MGAM: variants seen among roughly 807,000 people sequenced by gnomAD.
MGAM encodes maltase-glucoamylase.
A neutral mutation model predicts 358.8 loss-of-function variants in MGAM; 253 were observed. The observed-to-expected ratio is 0.71, with a 90% CI of 0.64 to 0.78. The LOEUF (loss-of-function observed/expected upper bound fraction) is 0.78. MGAM is among the 30% of genes least tolerant of loss of function. The probability of loss-of-function intolerance (pLI) is 0.00; values close to 1 mark genes in which losing one functional copy is unlikely to be tolerated. For synonymous variants in MGAM, 1,105 were observed against 1,227.1 expected, an observed-to-expected ratio of 0.90 and a Z score of 2.08; for missense variants, 3,080 against 3,432.6, an observed-to-expected ratio of 0.90 and a Z score of 2.57.
At chr7:142,088,964 C>CTATG (rs57009731) in intron 57 of MGAM, among the ~76,000 whole-genome samples, 1,508 of 116,772 alleles carry the variant, frequency 0.013, 108 homozygotes, top group African/African-American at 0.02. Flanking sequence ...TCATCTATCT[C>CTATG]TATGTATGTA....
At position 142,082,209 on chromosome 7, in the gene MGAM, G is replaced by A. The variant is rs756637580; in HGVS notation, c.6170G>A (p.Gly2057Glu). 2 of 1,553,518 alleles carry A rather than the reference G, an allele frequency of 1.3e-6. No individual in the cohort carries two copies. The highest frequency in any genetic ancestry group is 1.8e-6 in the Non-Finnish European group (2 of 1,131,832). The change falls in exon 51 of 71, where the codon GGG (glycine) becomes GAG (glutamate). Residue 2057 changes from glycine (G) to glutamate (E), a missense_variant and splice_region_variant. By Grantham distance (98) the Gly-to-Glu change is moderately conservative (BLOSUM62 -2). Transcript: ENST00000475668. Reference protein sequence around the residue: ...WGMFSRDQPPGYKKNSYGVHP... With the variant: ...WGMFSRDQPPEYKKNSYGVHP... ...ATGTTCTCCCGAGACCAGCCCCCAG[G>A]GGTAAGGACAGAGCATTTGAGATCT...
intron 1 of MGAM, among the ~76,000 whole-genome samples, chr7:142,003,532 A>G (rs1209952278): frequency 2.6e-5 from 4 of 151,806 alleles, no homozygotes; most frequent in Non-Finnish European, 4.4e-5. Context: ...ATCTCTCACC[A>G]TGTACAAAAA....
At chr7:142,048,221 C>T (rs1383648635) in intron 22 of MGAM, among the ~76,000 whole-genome samples, 4 of 148,694 alleles carry the variant, frequency 2.7e-5, no homozygotes, top group Middle Eastern at 3.7e-3. Flanking sequence ...GGCGCGATCT[C>T]GGCTCACTGC....
chr7:142,058,774 G>A (rs1322131800), intron 31 of MGAM, among the ~76,000 whole-genome samples: 1 of 152,206 alleles, frequency 6.6e-6, no homozygotes, highest in Non-Finnish European at 1.5e-5. Context: ...ATAACAGATG[G>A]ATTAAACAGA....
chr7:142,018,899 T>C (rs879981486), intron 3 of MGAM, among the ~76,000 whole-genome samples: 1 of 152,180 alleles, frequency 6.6e-6, no homozygotes, highest in Non-Finnish European at 1.5e-5. Context: ...ACTGGTGATA[T>C]AGCTATATTA....
intron 21 of MGAM, 110 bp from the exon 22 acceptor site, chr7:142,047,675 C>CA: frequency 1.0e-6 from 1 of 970,086 alleles, no homozygotes; most frequent in Non-Finnish European, 1.6e-6. Context: ...AAAGCAGAAC[C>CA]ATCTGCTGCT....
At chr7:141,988,323 A>G (rs1554446619) in intron 2 of MGAM, among the ~76,000 whole-genome samples, 1 of 151,228 alleles carries the variant, frequency 6.6e-6, no homozygotes, top group African/African-American at 2.5e-5. Context: ...TTTAAAAGGT[A>G]CTCTGAAAAC....
intron 57 of MGAM, among the ~76,000 whole-genome samples, chr7:142,088,829 CTA>C (rs1815072112): frequency 1.0e-5 from 1 of 98,534 alleles, no homozygotes; most frequent in African/African-American, 3.3e-5. Flanking sequence ...TACCATCTAT[CTA>C]TCTATCTATC....
chr7:142,007,501 T>G (rs1420476243), intron 2 of MGAM, among the ~76,000 whole-genome samples: 1 of 152,102 alleles, frequency 6.6e-6, no homozygotes, highest in Non-Finnish European at 1.5e-5. Flanking sequence ...TGCTCAACTC[T>G]TAAAATTATG....
At chr7:142,050,920 G>A (rs1810891461) in intron 24 of MGAM, 56 bp downstream of exon 24, 2 of 1,610,138 alleles carry the variant, frequency 1.2e-6, no homozygotes, top group Non-Finnish European at 1.7e-6. Context: ...GCATCGTGAT[G>A]TTCCTTCTTG....
chr7:142,030,818 CTGTGTGTGTG>C (rs66639847), intron 12 of MGAM, 61 bp downstream of exon 12: 24,921 of 784,666 alleles, frequency 0.032, 788 homozygotes, highest in African/African-American at 0.13. Context: ...TTGAATGTGT[CTGTGTGTGTG>C]TGTGTGTGTG....
At chr7:142,105,583 C>T (rs921770333) in intron 70 of MGAM, among the ~76,000 whole-genome samples, 9 of 152,200 alleles carry the variant, frequency 5.9e-5, no homozygotes, top group Admixed American at 1.3e-4. Context: ...CCACCGCACC[C>T]GGCCCATATT....
chr7:142,053,292 C>T (rs1029060154), intron 26 of MGAM, among the ~76,000 whole-genome samples: 3 of 151,984 alleles, frequency 2.0e-5, no homozygotes, highest in Non-Finnish European at 4.4e-5. Flanking sequence ...CAGTGGAATG[C>T]AGGTGGAGAA....
rs1418044119 is a variant in MGAM, at chr7:142,080,847, C to T, written c.5904C>T (p.Ser1968=). The part of the protein sequence containing the change: ...YEVPVPLNIP[S]VPSSTPEGQL... ...TTCCAGTCCCTCTGAACATACCCAG[C>T]GTGCCATCCAGCACCCCTGAGGGTC... Residue 1968 remains serine, a synonymous_variant, in exon 50 of 71, where the codon AGC becomes AGT. Coordinates refer to ENST00000475668, the MANE Select transcript of MGAM (RefSeq NM_001365693.1). The T allele has an allele frequency of 5.4e-5, 84 of 1,556,076 alleles. 10 individuals are homozygous for T. The highest frequency in any genetic ancestry group is 7.1e-5 in the Non-Finnish European group (80 of 1,132,234).
At chr7:142,041,944 A>C (rs1427789756) in intron 21 of MGAM, among the ~76,000 whole-genome samples, 1 of 16,446 alleles carries the variant, frequency 6.1e-5, no homozygotes, top group Admixed American at 1.5e-3. Flanking sequence ...TATATTATAT[A>C]TATACATATA....
chr7:142,017,489 A>C (rs1806059214), intron 3 of MGAM, among the ~76,000 whole-genome samples: 1 of 152,212 alleles, frequency 6.6e-6, no homozygotes, highest in African/African-American at 2.4e-5. Flanking sequence ...TGGCCAACAA[A>C]GACTGTTTGC....
In MGAM at chr7:142,065,589, C is replaced by T. The variant is rs1812653915; in HGVS notation, c.4620C>T (p.Gly1540=). The T allele has an allele frequency of 6.2e-7, 1 of 1,613,830 alleles. No individual in the cohort carries two copies. The highest frequency in any genetic ancestry group is 8.5e-7 in the Non-Finnish European group (1 of 1,179,872). ...AWDQLKKSII[G]MMEFSLFGIS... Reference sequence around the variant, plus strand: ...ACACAGCTGTGCTTCTCGTTGCAGGCATGATGGAGTTCAGCCTCTTTGGCA... The same window carrying T: ...ACACAGCTGTGCTTCTCGTTGCAGGTATGATGGAGTTCAGCCTCTTTGGCA... Residue 1540 remains glycine, a splice_region_variant and synonymous_variant, in exon 39 of 71, where the codon GGC becomes GGT. Coordinates refer to ENST00000475668, the MANE Select transcript of MGAM (RefSeq NM_001365693.1).
Position 142,078,856 on chromosome 7 carries a change from T to C in MGAM, c.5695T>C (p.Tyr1899His), listed in dbSNP as rs1376622862. 2 of 1,555,914 alleles carry C rather than the reference T, an allele frequency of 1.3e-6. No individual in the cohort carries two copies. Among genetic ancestry groups the C allele is most frequent in the Middle Eastern group, 1.7e-4 (1 of 5,954 alleles). Residue 1899 changes from tyrosine to histidine, a missense_variant, in exon 49 of 71, where the codon TAC (tyrosine) becomes CAC (histidine). This residue lies in a region of MGAM where 932 missense variants were observed against 1,198.2 expected (regional missense o/e 0.78). Transcript: ENST00000475668. Reference sequence around the variant, plus strand: ...TTTTTGCTATTTTGTCAACGACCTATACTCTGTCAGTGATGTTCAGTATAA... The same window carrying C: ...TTTTTGCTATTTTGTCAACGACCTACACTCTGTCAGTGATGTTCAGTATAA... ...VPFCYFVNDL[Y>H]SVSDVQYNSH...
In MGAM at chr7:142,067,986, A is replaced by ATTTTTTTTT. The variant is rs71913806; in HGVS notation, c.5004+572_5004+580dup. 1.7e-3 allele frequency among the ~76,000 whole-genome samples: 15 copies of ATTTTTTTTT among 8,694 alleles called. 1 individual carries two copies. Among genetic ancestry groups the ATTTTTTTTT allele is most frequent in the African/African-American group, 2.5e-3 (14 of 5,622 alleles). The allele number at this position is 8,694 out of a possible 152,430, so 5.7% of individuals were successfully genotyped here. On this transcript the variant is annotated intron_variant, in intron 42 of 70. Coordinates refer to ENST00000475668, the MANE Select transcript of MGAM (RefSeq NM_001365693.1). ...TATAAATATATATATATATATATAT[A>ATTTTTTTTT]TTTTTTTTTTTTTTTTTTTGAGACA...
Sources: allele counts gnomAD v4.1 joint callset (sites outside exome capture counted in the v4.1 genomes callset), GRCh38; gene constraint gnomAD v4.1.1; regional missense constraint gnomAD v4.1.1; transcripts MANE v1.5; gene names NCBI Gene and HGNC (gene_info 2026-07-23, HGNC 2026-07-21).